Variants in CDH4 observed in about 807,000 individuals in gnomAD.
The protein encoded by CDH4 is cadherin-4.
CDH4 carries 33 observed loss-of-function variants against 86.0 expected under a neutral mutation model. The observed-to-expected ratio is 0.38, with a 90% confidence interval of 0.29 to 0.51. CDH4 has a LOEUF of 0.51. Ranked by LOEUF, CDH4 falls within the 20% of genes least tolerant of loss-of-function variation. The probability of loss-of-function intolerance (pLI) is 0.86; values close to 1 mark genes in which losing one functional copy is unlikely to be tolerated. For synonymous variants in CDH4, 555 were observed against 549.4 expected (o/e 1.01, Z -0.14); for missense variants, 1,114 against 1,307.4 (o/e 0.85, Z 2.28).
chr20:61,462,399 G>A (rs2085448919), intron 2 of CDH4, among the ~76,000 whole-genome samples: 1 of 152,166 alleles, frequency 6.6e-6, no homozygotes, highest in African/African-American at 2.4e-5. Context: ...GAGGTGTGGA[G>A]GAGATTTGTT....
chr20:61,478,279 A>G (rs1239815044), intron 2 of CDH4, among the ~76,000 whole-genome samples: 2 of 152,322 alleles, frequency 1.3e-5, no homozygotes, highest in East Asian at 3.9e-4. Flanking sequence ...GGACATGATC[A>G]GGAGTCCTGG....
chr20:61,441,364 C>T (rs2085314318), intron 2 of CDH4, among the ~76,000 whole-genome samples: 1 of 152,230 alleles, frequency 6.6e-6, no homozygotes, highest in Admixed American at 6.5e-5. Context: ...GGCCTCACAG[C>T]TAGTTGGGGC....
intron 4 of CDH4, among the ~76,000 whole-genome samples, chr20:61,817,558 G>A (rs1346967540): frequency 6.6e-6 from 1 of 152,006 alleles, no homozygotes; most frequent in Non-Finnish European, 1.5e-5. Context: ...GGAGTGCAGT[G>A]GGGTATGCGC....
At chr20:61,612,409 G>T (rs1009530078) in intron 2 of CDH4, among the ~76,000 whole-genome samples, 3 of 152,052 alleles carry the variant, frequency 2.0e-5, no homozygotes, top group African/African-American at 7.3e-5. Context: ...GACGTATTTT[G>T]GGTGGACTTG....
intron 4 of CDH4, among the ~76,000 whole-genome samples, chr20:61,798,229 C>T (rs1979648197): frequency 6.6e-6 from 1 of 151,012 alleles, no homozygotes; most frequent in Non-Finnish European, 1.5e-5. Flanking sequence ...CTGCCAGGAG[C>T]ACCCTCAGCT....
At chr20:61,307,317 A>G (rs919735064) in intron 2 of CDH4, among the ~76,000 whole-genome samples, 3 of 151,822 alleles carry the variant, frequency 2.0e-5, no homozygotes, top group Admixed American at 6.6e-5. Flanking sequence ...CAGAGCTTAC[A>G]TGCTCCAACA....
chr20:61,279,505 C>A (rs558175601), intron 2 of CDH4, among the ~76,000 whole-genome samples: 4 of 152,098 alleles, frequency 2.6e-5, no homozygotes, highest in African/African-American at 4.8e-5. Flanking sequence ...GGGGGCGGGG[C>A]CTTCCATTTC....
rs540874764 is a variant in CDH4 at position 61,814,452 on chromosome 20, G to A, written c.577-30216G>A. On this transcript the variant is annotated intron_variant, in intron 4 of 15. Transcript: ENST00000614565. ...ACCTGGGAGGCTGCGGCCGCTCGACGACGATCCCTGCAGACCCAGCCCCTC... is the reference window on the plus strand; with the variant it reads ...ACCTGGGAGGCTGCGGCCGCTCGACAACGATCCCTGCAGACCCAGCCCCTC... Among the ~76,000 whole-genome samples, 7 of 152,282 alleles carry A rather than the reference G, an allele frequency of 4.6e-5. No homozygotes were observed. The East Asian group carries it at 1.2e-3, about 25-fold the overall frequency.
intron 2 of CDH4, among the ~76,000 whole-genome samples, chr20:61,367,115 T>A (rs944745568): frequency 1.6e-4 from 25 of 152,070 alleles, no homozygotes; most frequent in African/African-American, 5.8e-4. Context: ...ACTGAGCAAA[T>A]GTGCAGGTCC....
intron 2 of CDH4, among the ~76,000 whole-genome samples, chr20:61,655,191 C>G (rs1379987228): frequency 2.6e-5 from 4 of 152,162 alleles, no homozygotes; most frequent in African/African-American, 7.2e-5. Flanking sequence ...GTGTGTATTT[C>G]ACATGGGAAA....
chr20:61,926,878 A>AC (rs2055050158), intron 11 of CDH4, among the ~76,000 whole-genome samples: 1 of 150,872 alleles, frequency 6.6e-6, no homozygotes, highest in African/African-American at 2.5e-5. Context: ...ATCTCAAAAA[A>AC]GAAAAAAAAG....
chr20:61,758,944 C>A (rs1164957909), intron 3 of CDH4, among the ~76,000 whole-genome samples: 2 of 152,146 alleles, frequency 1.3e-5, no homozygotes, highest in Non-Finnish European at 2.9e-5. Context: ...TGGGTGTACA[C>A]ATGTATATGA....
intron 4 of CDH4, among the ~76,000 whole-genome samples, chr20:61,796,219 C>G (rs1979530583): frequency 6.6e-6 from 1 of 152,126 alleles, no homozygotes. Flanking sequence ...TACTGAGGTT[C>G]AGAGAGGCTG....
chr20:61,720,791 G>A (rs982014515), intron 2 of CDH4, among the ~76,000 whole-genome samples: 2 of 152,076 alleles, frequency 1.3e-5, no homozygotes, highest in African/African-American at 2.4e-5. Flanking sequence ...TCGGGGAGGC[G>A]TGTTCTCTCA....
chr20:61,590,739 C>T (rs566889347), intron 2 of CDH4, among the ~76,000 whole-genome samples: 258 of 152,272 alleles, frequency 1.7e-3, no homozygotes, highest in Non-Finnish European at 2.9e-3. Flanking sequence ...GCAGTTATCA[C>T]ACCCTTCACC....
At chr20:61,575,209 C>T (rs897180188) in intron 2 of CDH4, among the ~76,000 whole-genome samples, 3 of 152,198 alleles carry the variant, frequency 2.0e-5, no homozygotes, top group Admixed American at 6.5e-5. Context: ...TCTCTATTTC[C>T]ACTACCTCTA....
intron 6 of CDH4, among the ~76,000 whole-genome samples, chr20:61,873,268 T>C (rs1182874924): frequency 6.6e-6 from 1 of 152,228 alleles, no homozygotes; most frequent in East Asian, 1.9e-4. Context: ...ATACAGCTTC[T>C]GTGTGTCCAG....
chr20:61,458,122 G>C (rs894507694), intron 2 of CDH4, among the ~76,000 whole-genome samples: 2 of 149,784 alleles, frequency 1.3e-5, no homozygotes, highest in Non-Finnish European at 3.0e-5. Flanking sequence ...CAGTGCTGAT[G>C]GTGGTGGTGG....
chr20:61,882,382 A>G (rs1984321041), intron 7 of CDH4, among the ~76,000 whole-genome samples: 1 of 152,224 alleles, frequency 6.6e-6, no homozygotes, highest in Non-Finnish European at 1.5e-5. Context: ...AAACCCAGAG[A>G]CAGGTCCCAC....
Sources: allele counts gnomAD v4.1 joint callset (sites outside exome capture counted in the v4.1 genomes callset), GRCh38; gene constraint gnomAD v4.1.1; transcripts MANE v1.5; gene names NCBI Gene and HGNC (gene_info 2026-07-23, HGNC 2026-07-21).